The following NAIP variants were observed in gnomAD, a reference collection of about 807,000 sequenced individuals.
NAIP encodes the protein baculoviral IAP repeat-containing protein 1.
Under a neutral mutation model 23.0 loss-of-function variants are expected in NAIP, and 15 were observed. That is an observed-to-expected ratio of 0.65 (90% CI 0.44 to 1.00). The LOEUF (loss-of-function observed/expected upper bound fraction) is 1.00, where lower values mean the gene tolerates loss of function less well. NAIP is among the 50% of genes least tolerant of loss of function. The pLI is 0.00. For synonymous variants in NAIP, 100 were observed against 100.2 expected (o/e 1.00, Z 0.01); for missense variants, 265 against 278.8 (o/e 0.95, Z 0.35).
At position 71,012,921 on chromosome 5, in the gene NAIP, G is replaced by A; in HGVS notation, c.-3-3C>T. On this transcript the variant is annotated splice_region_variant and splice_polypyrimidine_tract_variant and intron_variant, in intron 3 of 16. Coordinates refer to ENST00000517649, the MANE Select transcript of NAIP (RefSeq NM_004536.3). Reference sequence around the variant, plus strand: ...GCTTTCTGCTGGGTGGCCATTTTCTGAAAAGGAAAATAAAGCAGGTTGATC... The same window carrying A: ...GCTTTCTGCTGGGTGGCCATTTTCTAAAAAGGAAAATAAAGCAGGTTGATC... 2 of 1,569,200 alleles carry A rather than the reference G, an allele frequency of 1.3e-6. No homozygotes were observed. The highest frequency in any genetic ancestry group is 1.7e-6 in the Non-Finnish European group (2 of 1,160,264).
rs957486036 is a variant in NAIP at position 71,011,693 on chromosome 5, G to A, written c.569-319C>T. ...TAACACCAGGACCAGCTGAAGTAACGTGCAATTAGAAAACCTACGTTTTAG... is the reference window on the plus strand; with the variant it reads ...TAACACCAGGACCAGCTGAAGTAACATGCAATTAGAAAACCTACGTTTTAG... On this transcript the variant is annotated intron_variant, in intron 4 of 16. Transcript: ENST00000517649. 1.3e-5 allele frequency: 6 copies of A among 468,254 alleles called. 1 individual carries two copies. The highest frequency in any genetic ancestry group is 4.2e-5 in the East Asian group (1 of 23,764). 29.0% of individuals were successfully genotyped at this position (468,254 alleles called of 1,614,324 possible).
rs373924503 is a variant in NAIP at position 71,011,307 on chromosome 5, A to G, written c.636T>C (p.Asp212=). The change falls in exon 5 of 17, where the codon GAT becomes GAC. Residue 212 remains aspartate, a synonymous_variant. Coordinates refer to ENST00000517649, the MANE Select transcript of NAIP (RefSeq NM_004536.3). ...GCLGNWEEGD[D]PWKEHAKWFP... ...ACCATTTGGCATGTTCCTTCCAAGGATCATCTCCTTCTTCCCAATTTCCTA... is the reference window on the plus strand; with the variant it reads ...ACCATTTGGCATGTTCCTTCCAAGGGTCATCTCCTTCTTCCCAATTTCCTA... 3 of 1,606,632 alleles carry G rather than the reference A, an allele frequency of 1.9e-6. 1 individual carries two copies. Among genetic ancestry groups the G allele is most frequent in the Non-Finnish European group, 2.6e-6 (3 of 1,175,640 alleles).
chr5:71,011,205 C>T (rs1580932414), intron 5 of NAIP, 70 bp downstream of exon 5: 2 of 1,197,926 alleles, frequency 1.7e-6, no homozygotes, highest in East Asian at 2.5e-5. Context: ...TATACTCCAG[C>T]CTGGGTGGCA....
intron 3 of NAIP, among the ~76,000 whole-genome samples, chr5:71,013,454 AGGTG>A (rs1751266364): frequency 6.6e-6 from 1 of 150,778 alleles, no homozygotes; most frequent in African/African-American, 2.4e-5. Flanking sequence ...CTGGCTAACA[AGGTG>A]AAACCCCATC....
At chr5:71,008,467 C>T (rs1047313790) in intron 5 of NAIP, among the ~76,000 whole-genome samples, 1 of 87,766 alleles carries the variant, frequency 1.1e-5, no homozygotes, top group African/African-American at 4.8e-5. Context: ...ATCCAACCAA[C>T]AACTTTGCAT....
At chr5:71,017,603 A>C (rs75412010) in intron 3 of NAIP, among the ~76,000 whole-genome samples, 26,176 of 60,538 alleles carry the variant, frequency 0.43, 8,383 homozygotes, top group East Asian at 0.85. Flanking sequence ...TGCAGTGGCA[A>C]AATTTTGACT....
chr5:71,011,756 T>C (rs778112319), intron 4 of NAIP: 3 of 445,832 alleles, frequency 6.7e-6, no homozygotes, highest in Non-Finnish European at 4.3e-6. Flanking sequence ...TAGGCATGTT[T>C]CTTAAAGTCT....
At chr5:70,981,022 CAT>C (rs1389913937) in intron 12 of NAIP, among the ~76,000 whole-genome samples, 24 of 129,426 alleles carry the variant, frequency 1.9e-4, no homozygotes, top group Admixed American at 1.2e-3. Context: ...AATGAGCAAA[CAT>C]ATTTTTTCAA....
At chr5:70,973,086 G>A (rs1750237697) in intron 16 of NAIP, among the ~76,000 whole-genome samples, 2 of 151,876 alleles carry the variant, frequency 1.3e-5, no homozygotes, top group Admixed American at 6.6e-5. Flanking sequence ...ATTTTTAGTA[G>A]AGACGGGGTT....
Position 71,011,376 on chromosome 5 carries a change from T to C in NAIP, c.569-2A>G. ...AACACTGTACCGTGTCCTGTTTACC[T>C]ATATATGAAGGAAAATATTTAGATT... is the stretch of plus-strand genomic sequence containing the variant. On this transcript the variant is annotated splice_acceptor_variant, in intron 4 of 16. Transcript: ENST00000517649. LOFTEE classifies it high-confidence loss of function. 1.3e-6 allele frequency: 2 copies of C among 1,588,438 alleles called. No homozygotes were observed. Among genetic ancestry groups the C allele is most frequent in the South Asian group, 1.1e-5 (1 of 87,178 alleles).
At chr5:71,009,348 G>A in intron 5 of NAIP, among the ~76,000 whole-genome samples, 2 of 111,022 alleles carry the variant, frequency 1.8e-5, no homozygotes, top group Non-Finnish European at 3.7e-5. Flanking sequence ...GGGCAACAGA[G>A]CAAAACTCAC....
chr5:70,978,760 G>T (rs1180984555), intron 13 of NAIP, among the ~76,000 whole-genome samples: 1 of 53,616 alleles, frequency 1.9e-5, no homozygotes, highest in African/African-American at 1.6e-4. Context: ...AAATTATTTT[G>T]GAGTGGCAAC....
chr5:70,971,788 G>A (rs1396546382), intron 16 of NAIP, among the ~76,000 whole-genome samples: 10 of 65,474 alleles, frequency 1.5e-4, no homozygotes, highest in African/African-American at 3.3e-4. Flanking sequence ...AATGGAAGCC[G>A]GGCACACCCT....
In NAIP at chr5:71,024,872, G is replaced by T. The variant is rs1325107478; in HGVS notation, c.-476C>A. The stretch of plus-strand genomic sequence containing the variant: ...TTTTACCCTCTCTGGAGGTCGAGGC[G>T]TGGGGCTGCAAATCCCAGACCTCTA... On this transcript the variant is annotated 5_prime_UTR_variant, in exon 1 of 17. Coordinates refer to ENST00000517649, the MANE Select transcript of NAIP (RefSeq NM_004536.3). 2 of 64,584 alleles carry T rather than the reference G, an allele frequency of 3.1e-5. 1 individual carries two copies. The allele number at this position is 64,584 out of a possible 1,614,324, so 4.0% of individuals were successfully genotyped here. A position where few individuals can be genotyped will look rare whatever the true frequency, so the allele number is the denominator to read the frequency against.
At chr5:71,009,225 C>G (rs1751027957) in intron 5 of NAIP, among the ~76,000 whole-genome samples, 1 of 145,552 alleles carries the variant, frequency 6.9e-6, no homozygotes, top group African/African-American at 2.5e-5. Context: ...GTGGTAGGCA[C>G]CTGTGGTCCC....
chr5:71,017,796 C>T (rs1266627748), intron 3 of NAIP, among the ~76,000 whole-genome samples: 3 of 84,190 alleles, frequency 3.6e-5, no homozygotes, highest in Non-Finnish European at 5.1e-5. Flanking sequence ...CCGCCTCGGC[C>T]TCCCAATGTG....
intron 5 of NAIP, among the ~76,000 whole-genome samples, chr5:71,010,278 T>C (rs985812761): frequency 7.9e-5 from 12 of 151,114 alleles, no homozygotes; most frequent in African/African-American, 2.9e-4. Flanking sequence ...TGGCTAACTT[T>C]TTTTTTTTGA....
At position 71,012,444 on chromosome 5, in the gene NAIP, C is replaced by G. The variant is rs200427852; in HGVS notation, c.472G>C (p.Glu158Gln). The part of the protein sequence containing the change: ...RLRGGKMRYQ[E>Q]EEARLASFRN... ...AAGGACGCAAGTCTAGCCTCCTCTT[C>G]TTGGTACCTCATTTTACCTCCTCTC... Residue 158 changes from glutamate to glutamine, a missense_variant, in exon 4 of 17, where the codon GAA becomes CAA. Transcript: ENST00000517649. 281 of 1,611,644 alleles carry G rather than the reference C, an allele frequency of 1.7e-4. No individual in the cohort carries two copies. In the East Asian group the frequency reaches 6.2e-3, roughly 35 times the overall value.
intron 8 of NAIP, among the ~76,000 whole-genome samples, chr5:71,000,868 C>G (rs1411079993): frequency 4.7e-5 from 1 of 21,190 alleles, no homozygotes; most frequent in Admixed American, 6.7e-4. Context: ...CAACTAAGTT[C>G]TGATTAAAGA....
Sources: gnomAD v4.1 joint callset for allele counts (sites outside exome capture counted in the v4.1 genomes callset) on GRCh38, gnomAD v4.1.1 for gene constraint, MANE v1.5 for transcripts, NCBI Gene and HGNC (gene_info 2026-07-23, HGNC 2026-07-21) for gene names.